MACROD2: variants seen among roughly 807,000 people sequenced by gnomAD.
MACROD2 encodes the protein mono-ADP ribosylhydrolase 2.
A neutral mutation model predicts 70.4 loss-of-function variants in MACROD2; 36 were observed. The ratio of observed to expected loss-of-function variants is 0.51; its 90% CI spans 0.39 to 0.68. The LOEUF (loss-of-function observed/expected upper bound fraction) is 0.68. MACROD2 is among the 30% of genes least tolerant of loss of function. MACROD2 has a pLI of 0.00. For synonymous variants in MACROD2, 172 were observed against 178.8 expected, an observed-to-expected ratio of 0.96 and a Z score of 0.30; for missense variants, 496 against 538.4, an observed-to-expected ratio of 0.92 and a Z score of 0.78.
At chr20:14,654,133 A>T (rs1381109858) in intron 4 of MACROD2, among the ~76,000 whole-genome samples, 1 of 152,162 alleles carries the variant, frequency 6.6e-6, no homozygotes, top group African/African-American at 2.4e-5. Flanking sequence ...TAATTTCAGA[A>T]ACATATTTAA....
At chr20:15,859,709 C>G (rs928089595) in intron 8 of MACROD2, among the ~76,000 whole-genome samples, 1 of 151,652 alleles carries the variant, frequency 6.6e-6, no homozygotes, top group Non-Finnish European at 1.5e-5. Flanking sequence ...GGGAATTGGG[C>G]CACTCAATTA....
intron 8 of MACROD2, among the ~76,000 whole-genome samples, chr20:15,836,976 G>T (rs1317622084): frequency 2.6e-5 from 4 of 152,146 alleles, no homozygotes; most frequent in Non-Finnish European, 5.9e-5. Flanking sequence ...TCTTGAATCA[G>T]AGCATTAAAG....
chr20:15,822,231 G>C (rs1021904599), intron 8 of MACROD2, among the ~76,000 whole-genome samples: 1 of 152,074 alleles, frequency 6.6e-6, no homozygotes, highest in Non-Finnish European at 1.5e-5. Flanking sequence ...TGAATCCTGG[G>C]ATCTATTCTT....
chr20:15,040,351 T>G (rs1208238743), intron 5 of MACROD2, among the ~76,000 whole-genome samples: 2 of 149,748 alleles, frequency 1.3e-5, no homozygotes, highest in African/African-American at 4.9e-5. Context: ...ATGCAGCCCC[T>G]CTCAATAGTG....
chr20:14,268,762 C>T (rs777238126), intron 3 of MACROD2, among the ~76,000 whole-genome samples: 9 of 152,140 alleles, frequency 5.9e-5, no homozygotes, highest in South Asian at 4.1e-4. Flanking sequence ...TAAAAAGTGA[C>T]GTCAACTATA....
At chr20:14,986,357 C>G (rs970957109) in intron 5 of MACROD2, among the ~76,000 whole-genome samples, 2 of 152,018 alleles carry the variant, frequency 1.3e-5, no homozygotes, top group Non-Finnish European at 2.9e-5. Context: ...GCGTAATATG[C>G]CTCACCTAAG....
At chr20:15,605,643 T>G (rs1358967037) in intron 8 of MACROD2, among the ~76,000 whole-genome samples, 3 of 152,140 alleles carry the variant, frequency 2.0e-5, no homozygotes, top group African/African-American at 7.2e-5. Flanking sequence ...TCACATAACA[T>G]GTATAAGTTT....
chr20:14,776,427 G>A (rs1428137328), intron 5 of MACROD2, among the ~76,000 whole-genome samples: 1 of 152,094 alleles, frequency 6.6e-6, no homozygotes, highest in African/African-American at 2.4e-5. Flanking sequence ...TTGATGAAAG[G>A]AACCTCAATA....
Position 14,460,600 on chromosome 20 carries a change from A to G in MACROD2, c.272-32879A>G, listed in dbSNP as rs1393193573. On this transcript the variant is annotated intron_variant, in intron 3 of 17. Coordinates refer to ENST00000684519, the MANE Select transcript of MACROD2 (RefSeq NM_001351661.2). ...TATTATTTTGAGATACATTCCATCA[A>G]TACCAATTTATTGTGAGTTTTTAGC... Among the ~76,000 whole-genome samples the G allele has an allele frequency of 3.3e-5, 5 of 152,114 alleles. No homozygotes were observed. The East Asian group carries it at 9.6e-4, about 29-fold the overall frequency.
At chr20:15,369,884 T>C (rs978423618) in intron 6 of MACROD2, among the ~76,000 whole-genome samples, 12 of 152,150 alleles carry the variant, frequency 7.9e-5, no homozygotes, top group African/African-American at 2.9e-4. Flanking sequence ...TAAATAAAGA[T>C]TGTGAAGCAA....
chr20:14,663,720 T>C (rs957333187), intron 4 of MACROD2, among the ~76,000 whole-genome samples: 2 of 152,042 alleles, frequency 1.3e-5, no homozygotes, highest in East Asian at 3.8e-4. Context: ...ATTTTAAAAA[T>C]AAATTATGTA....
chr20:14,434,461 A>G (rs1600232927), intron 3 of MACROD2, among the ~76,000 whole-genome samples: 1 of 148,484 alleles, frequency 6.7e-6, no homozygotes. Context: ...ACACTCTCAT[A>G]ACACTTCTAC....
chr20:15,763,569 A>G (rs992018972), intron 8 of MACROD2, among the ~76,000 whole-genome samples: 1 of 152,240 alleles, frequency 6.6e-6, no homozygotes, highest in Non-Finnish European at 1.5e-5. Flanking sequence ...GGCACTAGCA[A>G]TGAATATTTG....
chr20:15,294,931 G>T (rs563049998), intron 6 of MACROD2, among the ~76,000 whole-genome samples: 4 of 152,212 alleles, frequency 2.6e-5, no homozygotes, highest in Admixed American at 2.6e-4. Context: ...TCTAGACATC[G>T]GATTGCTTAT....
At chr20:14,710,706 C>T (rs564498484) in intron 5 of MACROD2, among the ~76,000 whole-genome samples, 1 of 152,284 alleles carries the variant, frequency 6.6e-6, no homozygotes, top group East Asian at 1.9e-4. Context: ...TTCCTCATAT[C>T]ATGTAACTTA....
At chr20:15,095,058 C>CTTTTTTTTTT (rs1568570303) in intron 5 of MACROD2, among the ~76,000 whole-genome samples, 1 of 58,048 alleles carries the variant, frequency 1.7e-5, no homozygotes, top group African/African-American at 9.1e-5. Context: ...ACTGTGGTCT[C>CTTTTTTTTTT]CTCTTCTTTT....
rs1027104161 is a variant in MACROD2 at position 15,517,994 on chromosome 20, G to C, written c.645+18147G>C. On this transcript the variant is annotated intron_variant, in intron 8 of 17. Coordinates refer to ENST00000684519, the MANE Select transcript of MACROD2 (RefSeq NM_001351661.2). ...AACGTGCAGGCACAGACCATCAAAA[G>C]TCTGGAAATGAATAGAGCTGGCAAC... 2.6e-5 allele frequency among the ~76,000 whole-genome samples: 4 copies of C among 152,340 alleles called. No homozygotes were observed. In the South Asian group the frequency reaches 6.2e-4, roughly 24 times the overall value.
intron 3 of MACROD2, among the ~76,000 whole-genome samples, chr20:14,096,294 T>C (rs2148675542): frequency 6.6e-6 from 1 of 152,270 alleles, no homozygotes; most frequent in South Asian, 2.1e-4. Context: ...TTTGATCTAA[T>C]TCCTGTGATG....
chr20:14,448,989 A>G (rs986830491), intron 3 of MACROD2, among the ~76,000 whole-genome samples: 33 of 152,158 alleles, frequency 2.2e-4, no homozygotes, highest in Non-Finnish European at 1.5e-5. Flanking sequence ...TCTATAATTA[A>G]GTCTACCACT....
Sources: gnomAD v4.1 joint callset for allele counts (sites outside exome capture counted in the v4.1 genomes callset) on GRCh38, gnomAD v4.1.1 for gene constraint, MANE v1.5 for transcripts, NCBI Gene and HGNC (gene_info 2026-07-23, HGNC 2026-07-21) for gene names.